The following LINGO2 variants were observed in gnomAD, a reference collection of about 807,000 sequenced individuals.
The protein encoded by LINGO2 is leucine rich repeat and Ig domain containing 2, also known as leucine-rich repeat and immunoglobulin-like domain-containing nogo receptor-interacting protein 2.
A neutral mutation model predicts 30.6 loss-of-function variants in LINGO2; 14 were observed. The ratio of observed to expected loss-of-function variants is 0.46; its 90% CI spans 0.30 to 0.72. The LOEUF (loss-of-function observed/expected upper bound fraction) is 0.72. Among genes scored for constraint, LINGO2 ranks in the 30% least tolerant of loss-of-function variants. LINGO2 has a pLI of 0.07. For synonymous variants in LINGO2, 317 were observed against 288.5 expected (o/e 1.10, Z -1.00); for missense variants, 729 against 751.7 (o/e 0.97, Z 0.35).
the LINGO2 span, among the ~76,000 whole-genome samples, chr9:29,077,949 A>T: frequency 6.6e-6 from 1 of 152,030 alleles, no homozygotes; most frequent in Non-Finnish European, 1.5e-5. Context: ...CATACTGGAA[A>T]GGAATCTAAA....
chr9:29,098,319 C>CA, the LINGO2 span, among the ~76,000 whole-genome samples: 1 of 151,892 alleles, frequency 6.6e-6, no homozygotes, highest in Non-Finnish European at 1.5e-5. Context: ...AATTATTTAA[C>CA]AAAAATTATG....
the LINGO2 span, among the ~76,000 whole-genome samples, chr9:28,832,600 C>A: frequency 1.3e-5 from 2 of 152,064 alleles, no homozygotes; most frequent in East Asian, 3.9e-4. Flanking sequence ...TCATGTCCTG[C>A]AAAATTCCTG....
intron 3 of LINGO2, among the ~76,000 whole-genome samples, chr9:28,296,624 T>C (rs1823933639): frequency 6.6e-6 from 1 of 152,200 alleles, no homozygotes; most frequent in African/African-American, 2.4e-5. Context: ...GCCACAATGC[T>C]AAGATGACAA....
At position 28,584,130 on chromosome 9, in the gene LINGO2, T is replaced by C. The variant is rs530430282; in HGVS notation, c.-365+86070A>G. Among the ~76,000 whole-genome samples, 5 of 152,122 alleles carry C rather than the reference T, an allele frequency of 3.3e-5. No individual in the cohort carries two copies. The South Asian group carries it at 1.0e-3, about 32-fold the overall frequency. Reference sequence around the variant, plus strand: ...TACATAAATTACCCCATTTTTGGTGTTTTGTTACAGTAGCGAAAAACAGAT... The same window carrying C: ...TACATAAATTACCCCATTTTTGGTGCTTTGTTACAGTAGCGAAAAACAGAT... On this transcript the variant is annotated intron_variant, in intron 1 of 5. Transcript: ENST00000379992.
chr9:29,064,217 G>A, the LINGO2 span, among the ~76,000 whole-genome samples: 1 of 151,770 alleles, frequency 6.6e-6, no homozygotes, highest in African/African-American at 2.4e-5. Flanking sequence ...ATGATTTGAA[G>A]ACCAAAAAAT....
At position 28,147,847 on chromosome 9, in the gene LINGO2, C is replaced by G. The variant is rs1022651640; in HGVS notation, c.-86-135442G>C. On this transcript the variant is annotated intron_variant, in intron 4 of 5. Coordinates refer to ENST00000379992, the Ensembl canonical transcript of LINGO2. The surrounding 1 kb of genome is among the most constrained non-coding windows in gnomAD (Gnocchi z 4.7). The stretch of plus-strand genomic sequence containing the variant: ...GGGCTCCTAAGCACTCCTCCACACC[C>G]TGGCTCTGTCACCAGCCCCATAGTG... 5.9e-5 allele frequency among the ~76,000 whole-genome samples: 9 copies of G among 152,182 alleles called. No individual in the cohort carries two copies. The highest frequency in any genetic ancestry group is 2.2e-4 in the African/African-American group (9 of 41,448).
chr9:28,153,460 C>T (rs1828053040), intron 4 of LINGO2, among the ~76,000 whole-genome samples: 3 of 152,120 alleles, frequency 2.0e-5, no homozygotes, highest in Admixed American at 2.0e-4. Flanking sequence ...AGAACATTAC[C>T]TACTTATTGA....
downstream of LINGO2, chr9:27,944,147 C>T (rs776797096): frequency 6.6e-6 from 1 of 152,070 alleles, no homozygotes; most frequent in Non-Finnish European, 1.5e-5. Flanking sequence ...AGTTCTAGTC[C>T]CTACCTTTTT....
Position 28,185,701 on chromosome 9 carries a change from T to C in LINGO2, c.-87+109507A>G, listed in dbSNP as rs577721145. Among the ~76,000 whole-genome samples, 3 of 152,250 alleles carry C rather than the reference T, an allele frequency of 2.0e-5. No individual in the cohort carries two copies. In the East Asian group the frequency reaches 5.8e-4, roughly 29 times the overall value. ...TTCTCCTCATAGATTTTGTTTTTCT[T>C]GGGCACATCTGAAATTTTGATGGCT... On this transcript the variant is annotated intron_variant, in intron 4 of 5. Coordinates refer to ENST00000379992, the Ensembl canonical transcript of LINGO2.
At chr9:29,172,011 T>A in the LINGO2 span, among the ~76,000 whole-genome samples, 5 of 151,960 alleles carry the variant, frequency 3.3e-5, no homozygotes, top group South Asian at 4.1e-4. Context: ...AAAATACTAC[T>A]GATTTCTTTA....
At chr9:29,031,913 G>A in the LINGO2 span, among the ~76,000 whole-genome samples, 96 of 152,238 alleles carry the variant, frequency 6.3e-4, no homozygotes, top group Middle Eastern at 6.8e-3. Flanking sequence ...ATAGTGAATT[G>A]TAGGTGACTC....
chr9:27,998,313 C>T (rs1185000306), intron 5 of LINGO2, among the ~76,000 whole-genome samples: 1 of 152,166 alleles, frequency 6.6e-6, no homozygotes, highest in Non-Finnish European at 1.5e-5. Context: ...TGTAAAAATG[C>T]CAACTGCTCA....
the LINGO2 span, among the ~76,000 whole-genome samples, chr9:28,693,890 A>G: frequency 6.6e-6 from 1 of 152,036 alleles, no homozygotes; most frequent in Non-Finnish European, 1.5e-5. Context: ...CACTTACTGG[A>G]AGTCATACAC....
At chr9:28,952,077 G>A in the LINGO2 span, among the ~76,000 whole-genome samples, 9 of 152,070 alleles carry the variant, frequency 5.9e-5, no homozygotes, top group Admixed American at 1.3e-4. Context: ...AGATAAGTGC[G>A]TGGATGGAGA....
intron 3 of LINGO2, among the ~76,000 whole-genome samples, chr9:28,356,232 TAA>T (rs575384673): frequency 2.6e-5 from 4 of 152,134 alleles, no homozygotes; most frequent in Admixed American, 2.6e-4. Flanking sequence ...GAGATTTTTT[TAA>T]AAAAAATCAT....
At chr9:28,627,038 G>A (rs1451349007) in intron 1 of LINGO2, among the ~76,000 whole-genome samples, 1 of 151,606 alleles carries the variant, frequency 6.6e-6, no homozygotes, top group East Asian at 1.9e-4. Context: ...TTTTTTAACG[G>A]TTGTTTTTGA....
chr9:28,149,042 G>T (rs1257337589), intron 4 of LINGO2: 37 of 1,534,430 alleles, frequency 2.4e-5, no homozygotes, highest in Non-Finnish European at 3.0e-5. Flanking sequence ...GCCCCCACCG[G>T]CTAAGCTTCC....
chr9:28,884,809 A>G, the LINGO2 span, among the ~76,000 whole-genome samples: 1 of 142,510 alleles, frequency 7.0e-6, no homozygotes, highest in Non-Finnish European at 1.5e-5. Flanking sequence ...ATTCTTTAGC[A>G]GTATATATAT....
the LINGO2 span, among the ~76,000 whole-genome samples, chr9:28,806,995 C>CATT: frequency 2.0e-5 from 3 of 151,002 alleles, no homozygotes; most frequent in Non-Finnish European, 4.4e-5. Context: ...ATGTGAAAAA[C>CATT]ATTATTATTA....
Sources: gnomAD v4.1 joint callset for allele counts (sites outside exome capture counted in the v4.1 genomes callset) on GRCh38, gnomAD v4.1.1 for gene constraint, Gnocchi (gnomAD v3.1) non-coding constraint, MANE v1.5 for transcripts, NCBI Gene and HGNC (gene_info 2026-07-23, HGNC 2026-07-21) for gene names.